KSR2: variants seen among roughly 807,000 people sequenced by gnomAD.
KSR2 encodes kinase suppressor of ras 2.
KSR2 carries 25 observed loss-of-function variants against 107.8 expected under a neutral mutation model. The ratio of observed to expected loss-of-function variants is 0.23; its 90% CI spans 0.17 to 0.32. The LOEUF (loss-of-function observed/expected upper bound fraction) is 0.32, where lower values mean the gene tolerates loss of function less well. KSR2 is among the 10% of genes least tolerant of loss of function. The probability of loss-of-function intolerance (pLI) is 1.00; values close to 1 mark genes in which losing one functional copy is unlikely to be tolerated. For missense variants in KSR2, 887 were observed against 1,268.9 expected, an observed-to-expected ratio of 0.70 and a Z score of 4.57; for synonymous variants, 480 against 507.0, an observed-to-expected ratio of 0.95 and a Z score of 0.71.
chr12:117,505,724 T>C (rs766911356), intron 14 of KSR2, among the ~76,000 whole-genome samples: 4 of 152,238 alleles, frequency 2.6e-5, no homozygotes, highest in Non-Finnish European at 4.4e-5. Context: ...TGGCACCATT[T>C]GCTCCAACTC....
chr12:117,838,847 G>A (rs1055347591), intron 3 of KSR2, among the ~76,000 whole-genome samples: 1 of 152,160 alleles, frequency 6.6e-6, no homozygotes, highest in Non-Finnish European at 1.5e-5. Flanking sequence ...TTACAAAAAG[G>A]GTTAGCAAAC....
intron 1 of KSR2, among the ~76,000 whole-genome samples, chr12:117,928,909 A>G (rs916736005): frequency 2.0e-5 from 3 of 152,188 alleles, no homozygotes; most frequent in African/African-American, 7.2e-5. Context: ...CTGGTTTTGA[A>G]CTCAGATCTG....
At chr12:117,888,617 G>A (rs765167084) in intron 1 of KSR2, among the ~76,000 whole-genome samples, 1 of 152,208 alleles carries the variant, frequency 6.6e-6, no homozygotes, top group African/African-American at 2.4e-5. Flanking sequence ...TCTCCACCAT[G>A]TGAGGACACA....
intron 5 of KSR2, among the ~76,000 whole-genome samples, chr12:117,642,210 C>T (rs190144223): frequency 2.2e-4 from 34 of 152,328 alleles, no homozygotes; most frequent in Admixed American, 1.1e-3. Flanking sequence ...TTGTCATAAT[C>T]GGCCCTTTTA....
chr12:117,512,972 G>C (rs1242203524), intron 14 of KSR2, among the ~76,000 whole-genome samples: 1 of 152,070 alleles, frequency 6.6e-6, no homozygotes, highest in Non-Finnish European at 1.5e-5. Flanking sequence ...AGTTTCTCTT[G>C]GAGGAAAACC....
At chr12:117,535,935 G>A (rs1340754987) in intron 10 of KSR2, among the ~76,000 whole-genome samples, 2 of 152,036 alleles carry the variant, frequency 1.3e-5, no homozygotes, top group Admixed American at 6.6e-5. Flanking sequence ...TGTCCATGCA[G>A]CACTCTTGAT....
intron 1 of KSR2, among the ~76,000 whole-genome samples, chr12:117,866,194 GC>G (rs1893464820): frequency 6.6e-6 from 1 of 152,110 alleles, no homozygotes; most frequent in East Asian, 1.9e-4. Context: ...GTGCCACCAT[GC>G]CTGGCATGGG....
chr12:117,753,770 C>T (rs1593201030), intron 4 of KSR2, among the ~76,000 whole-genome samples: 1 of 150,420 alleles, frequency 6.6e-6, no homozygotes, highest in South Asian at 2.1e-4. Flanking sequence ...CACAAGTTTA[C>T]CTATGTAACA....
chr12:117,667,780 G>A, intron 4 of KSR2, 122 bp from the exon 5 acceptor site: 1 of 777,492 alleles, frequency 1.3e-6, no homozygotes, highest in Non-Finnish European at 2.0e-6. Context: ...GAAATTAGAA[G>A]AGCCCACAGG....
At chr12:117,793,699 CA>C (rs2136988210) in intron 3 of KSR2, among the ~76,000 whole-genome samples, 1 of 149,216 alleles carries the variant, frequency 6.7e-6, no homozygotes, top group South Asian at 2.2e-4. Flanking sequence ...ACACATACAA[CA>C]TGCACACACC....
chr12:117,566,437 C>T (rs1878501226), intron 7 of KSR2, among the ~76,000 whole-genome samples: 1 of 152,158 alleles, frequency 6.6e-6, no homozygotes, highest in Non-Finnish European at 1.5e-5. Flanking sequence ...CTCTTTCTGT[C>T]TATGTGTTCT....
intron 10 of KSR2, among the ~76,000 whole-genome samples, chr12:117,537,980 T>C (rs7954458): frequency 0.62 from 93,497 of 151,992 alleles, 28,866 homozygotes; most frequent in Admixed American, 0.71. Context: ...GGTCCATAAA[T>C]AAGTGCCAAA....
At chr12:117,683,776 G>A (rs1384141093) in intron 4 of KSR2, among the ~76,000 whole-genome samples, 3 of 152,214 alleles carry the variant, frequency 2.0e-5, no homozygotes, top group Non-Finnish European at 1.5e-5. Flanking sequence ...GGAGAGGAAA[G>A]GAAAGATGTC....
chr12:117,731,114 C>CAG (rs1887661297), intron 4 of KSR2, among the ~76,000 whole-genome samples: 1 of 151,116 alleles, frequency 6.6e-6, no homozygotes, highest in Non-Finnish European at 1.5e-5. Flanking sequence ...GCGCCTCTGC[C>CAG]CAGCCGCCCC....
intron 3 of KSR2, among the ~76,000 whole-genome samples, chr12:117,770,346 C>A (rs1348035460): frequency 6.6e-6 from 1 of 152,042 alleles, no homozygotes; most frequent in Non-Finnish European, 1.5e-5. Context: ...AGCTGCAAAC[C>A]AAGGAGCACC....
intron 4 of KSR2, among the ~76,000 whole-genome samples, chr12:117,714,213 T>C (rs1886895294): frequency 6.6e-6 from 1 of 152,138 alleles, no homozygotes; most frequent in Admixed American, 6.6e-5. Flanking sequence ...GGTGGAACTC[T>C]TTCATGAGGC....
chr12:117,930,582 GTAAACAC>G (rs1245083662), intron 1 of KSR2, among the ~76,000 whole-genome samples: 3 of 152,142 alleles, frequency 2.0e-5, no homozygotes, highest in Non-Finnish European at 2.9e-5. Context: ...CCAGCATATA[GTAAACAC>G]TAAATTCTCG....
At chr12:117,952,808 AC>A (rs1001335571) in intron 1 of KSR2, among the ~76,000 whole-genome samples, 2 of 151,634 alleles carry the variant, frequency 1.3e-5, no homozygotes, top group Admixed American at 1.3e-4. Context: ...ACATGGTGAA[AC>A]CCCCATCTCT....
intron 12 of KSR2, 52 bp downstream of exon 12, chr12:117,530,889 G>C: frequency 6.7e-7 from 1 of 1,499,404 alleles, no homozygotes; most frequent in Non-Finnish European, 9.3e-7. Flanking sequence ...TGGATTGTAG[G>C]GCCAGGGCTG....
Sources: gnomAD v4.1 joint callset for allele counts (sites outside exome capture counted in the v4.1 genomes callset) on GRCh38, gnomAD v4.1.1 for gene constraint, MANE v1.5 for transcripts, NCBI Gene and HGNC (gene_info 2026-07-23, HGNC 2026-07-21) for gene names.